PSD3: variants seen among roughly 807,000 people sequenced by gnomAD.
PSD3 encodes pleckstrin and Sec7 domain containing 3, also known as PH and SEC7 domain-containing protein 3.
A neutral mutation model predicts 105.5 loss-of-function variants in PSD3; 49 were observed. The ratio of observed to expected loss-of-function variants is 0.46; its 90% CI spans 0.37 to 0.59. PSD3 has a LOEUF of 0.59. Among genes scored for constraint, PSD3 ranks in the 20% least tolerant of loss-of-function variants. The pLI, the probability that PSD3 is intolerant of heterozygous loss-of-function variation, is 0.00. For synonymous variants in PSD3, 557 were observed against 457.8 expected (o/e 1.22, Z -2.77); for missense variants, 1,561 against 1,263.8 (o/e 1.24, Z -3.57).
intron 9 of PSD3, among the ~76,000 whole-genome samples, chr8:18,680,091 A>C (rs1195183191): frequency 1.3e-5 from 2 of 152,238 alleles, no homozygotes; most frequent in Non-Finnish European, 2.9e-5. Flanking sequence ...GTGTTTATCA[A>C]CATGAACTTT....
At chr8:18,572,006 G>A (rs1445756222) in intron 14 of PSD3, among the ~76,000 whole-genome samples, 1 of 152,202 alleles carries the variant, frequency 6.6e-6, no homozygotes, top group Admixed American at 6.5e-5. Flanking sequence ...TACACTTGGA[G>A]CAGAGTTCTG....
chr8:18,714,362 A>G (rs888805354), intron 9 of PSD3, among the ~76,000 whole-genome samples: 1 of 151,348 alleles, frequency 6.6e-6, no homozygotes, highest in Non-Finnish European at 1.5e-5. Flanking sequence ...ATGGGAAAAA[A>G]TGTTTGAAAC....
chr8:18,568,781 G>C (rs1339849528), intron 14 of PSD3, among the ~76,000 whole-genome samples: 1 of 151,530 alleles, frequency 6.6e-6, no homozygotes, highest in Non-Finnish European at 1.5e-5. Context: ...ACGTATACAT[G>C]TGCCATGCTG....
At chr8:18,732,936 C>T (rs1423345825) in intron 9 of PSD3, 1 of 152,048 alleles carries the variant, frequency 6.6e-6, no homozygotes, top group African/African-American at 2.4e-5. Context: ...ACCTTGCCTA[C>T]ACACGCCCCC....
intron 1 of PSD3, among the ~76,000 whole-genome samples, chr8:19,025,949 A>T: frequency 6.6e-6 from 1 of 152,310 alleles, no homozygotes; most frequent in South Asian, 2.1e-4. Flanking sequence ...GGTTTAATGG[A>T]CTCACAGTTC....
chr8:18,907,538 A>G (rs185950296), intron 2 of PSD3, among the ~76,000 whole-genome samples: 1 of 152,296 alleles, frequency 6.6e-6, no homozygotes, highest in East Asian at 1.9e-4. Context: ...TTGACATACA[A>G]ATACTTACCA....
chr8:18,777,427 G>A (rs539378230), intron 8 of PSD3, among the ~76,000 whole-genome samples: 2 of 152,186 alleles, frequency 1.3e-5, no homozygotes, highest in African/African-American at 4.8e-5. Context: ...CACTTTTTAT[G>A]CTCTGACCTT....
intron 4 of PSD3, among the ~76,000 whole-genome samples, chr8:18,836,997 G>A (rs747849428): frequency 6.7e-6 from 1 of 150,374 alleles, no homozygotes; most frequent in Non-Finnish European, 1.5e-5. Context: ...CTCAAATCAA[G>A]TTTTGTTTCC....
At chr8:18,577,094 AGT>A (rs1563339922) in intron 12 of PSD3, among the ~76,000 whole-genome samples, 4 of 151,972 alleles carry the variant, frequency 2.6e-5, no homozygotes, top group Admixed American at 2.0e-4. Context: ...TGTGTAGCAG[AGT>A]TTGGGAAAGA....
chr8:18,795,464 G>A (rs1382468893), intron 8 of PSD3, among the ~76,000 whole-genome samples: 1 of 152,168 alleles, frequency 6.6e-6, no homozygotes, highest in East Asian at 1.9e-4. Context: ...ATGTTAAAAG[G>A]TACATTTTGT....
chr8:18,854,927 C>T (rs1006273218), intron 4 of PSD3, among the ~76,000 whole-genome samples: 3 of 152,160 alleles, frequency 2.0e-5, no homozygotes, highest in Admixed American at 2.0e-4. Context: ...ACGTAAGTGG[C>T]CAGGCAACAC....
At chr8:18,588,371 G>C (rs541677594) in intron 12 of PSD3, among the ~76,000 whole-genome samples, 6 of 152,274 alleles carry the variant, frequency 3.9e-5, no homozygotes, top group East Asian at 1.9e-4. Context: ...ATCTGTGCAA[G>C]GTTTCCAGGA....
chr8:19,031,281 C>T (rs935635846), intron 1 of PSD3, among the ~76,000 whole-genome samples: 3 of 152,142 alleles, frequency 2.0e-5, no homozygotes. Context: ...TGATTACTTC[C>T]GTTGACTAAT....
intron 1 of PSD3, among the ~76,000 whole-genome samples, chr8:18,990,138 T>G (rs965551816): frequency 6.6e-6 from 1 of 152,214 alleles, no homozygotes; most frequent in Non-Finnish European, 1.5e-5. Flanking sequence ...AAAAGCTCAC[T>G]GATTAATCCC....
At chr8:18,578,355 C>G (rs765476752) in intron 12 of PSD3, among the ~76,000 whole-genome samples, 2 of 152,126 alleles carry the variant, frequency 1.3e-5, no homozygotes, top group Non-Finnish European at 2.9e-5. Context: ...GATTTAAGGT[C>G]TCCAGCTACG....
intron 2 of PSD3, among the ~76,000 whole-genome samples, chr8:18,888,280 G>C (rs1052906512): frequency 2.6e-5 from 4 of 152,286 alleles, no homozygotes; most frequent in East Asian, 1.9e-4. Context: ...GCTCAGTGCC[G>C]ACTACCGGCA....
chr8:19,078,625 C>A (rs1173582878), intron 1 of PSD3, among the ~76,000 whole-genome samples: 1 of 151,990 alleles, frequency 6.6e-6, no homozygotes, highest in Non-Finnish European at 1.5e-5. Flanking sequence ...TCTTCAGGAT[C>A]TCAGCACCCC....
Position 18,533,373 on chromosome 8 carries a change from T to C in PSD3, c.*2370A>G, listed in dbSNP as rs1799706859. On this transcript the variant is annotated 3_prime_UTR_variant, in exon 16 of 16. Transcript: ENST00000327040. ...TTAAAGATAAACTATGCAAACATGGTATACTGAAGCTTCAAAAGAGCCCTT... is the reference window on the plus strand; with the variant it reads ...TTAAAGATAAACTATGCAAACATGGCATACTGAAGCTTCAAAAGAGCCCTT... 1 of 152,188 alleles carries C rather than the reference T, an allele frequency of 6.6e-6. No homozygotes were observed. Among genetic ancestry groups the C allele is most frequent in the Admixed American group, 6.5e-5 (1 of 15,284 alleles). 9.4% of individuals were successfully genotyped at this position (152,188 alleles called of 1,614,324 possible).
rs141922282 is a variant in PSD3 at position 18,701,258 on chromosome 8, C to G, written c.2173-45573G>C. Among the ~76,000 whole-genome samples the G allele has an allele frequency of 2.0e-5, 3 of 152,100 alleles. No individual in the cohort carries two copies. In the East Asian group the frequency reaches 5.8e-4, roughly 29 times the overall value. ...ATTCTGAGATTACAGGTGCAAGTCA[C>G]TGTGACTGGCCACATGAAACATTTT... On this transcript the variant is annotated intron_variant, in intron 9 of 15. Transcript: ENST00000327040.
Sources: allele counts gnomAD v4.1 joint callset (sites outside exome capture counted in the v4.1 genomes callset), GRCh38; gene constraint gnomAD v4.1.1; transcripts MANE v1.5; gene names NCBI Gene and HGNC (gene_info 2026-07-23, HGNC 2026-07-21).